CACNA1D: variants seen among roughly 807,000 people sequenced by gnomAD.
CACNA1D encodes voltage-dependent L-type calcium channel subunit alpha-1D.
CACNA1D carries 55 observed loss-of-function variants against 257.1 expected under a neutral mutation model. The observed-to-expected ratio is 0.21, with a 90% CI of 0.17 to 0.27. The LOEUF (loss-of-function observed/expected upper bound fraction) is 0.27. Among genes scored for constraint, CACNA1D ranks in the 10% least tolerant of loss-of-function variants. The pLI, the probability that CACNA1D is intolerant of heterozygous loss-of-function variation, is 1.00. For missense variants in CACNA1D, 1,876 were observed against 2,784.0 expected (o/e 0.67, Z 7.34); for synonymous variants, 980 against 1,014.9 (o/e 0.97, Z 0.65).
At position 53,724,145 on chromosome 3, in the gene CACNA1D, C is replaced by T. The variant is rs1311683041; in HGVS notation, c.2100+146C>T. Reference sequence around the variant, plus strand: ...AATCATAGCCTGGTAAATTTTGTGCCATTTAAGTTATTCGTTCTGCATCAT... The same window carrying T: ...AATCATAGCCTGGTAAATTTTGTGCTATTTAAGTTATTCGTTCTGCATCAT... On this transcript the variant is annotated intron_variant, in intron 14 of 47. Transcript: ENST00000350061. 4.1e-6 allele frequency: 3 copies of T among 730,078 alleles called. No homozygotes were observed. The African/African-American group carries it at 5.2e-5, about 13-fold the overall frequency. 45.2% of individuals were successfully genotyped at this position (730,078 alleles called of 1,614,324 possible).
chr3:53,533,190 T>C (rs1184953680), intron 3 of CACNA1D, among the ~76,000 whole-genome samples: 2 of 152,242 alleles, frequency 1.3e-5, no homozygotes, highest in Non-Finnish European at 1.5e-5. Flanking sequence ...TGCTTGATTA[T>C]AGTTGCTGGA....
chr3:53,751,349 C>G lies in CACNA1D; in HGVS notation c.3517-400C>G, dbSNP rs1418846034. On this transcript the variant is annotated intron_variant, in intron 27 of 47. Transcript: ENST00000350061. The surrounding 1 kb of genome is among the most constrained non-coding windows in gnomAD (Gnocchi z 4.3). Reference sequence around the variant, plus strand: ...CAGGCAGGGGAACTATAGGTGTGATCCACCTATAGATCCCCCGTATGTGTG... The same window carrying G: ...CAGGCAGGGGAACTATAGGTGTGATGCACCTATAGATCCCCCGTATGTGTG... Among the ~76,000 whole-genome samples, 1 of 152,216 alleles carries G rather than the reference C, an allele frequency of 6.6e-6. No individual in the cohort carries two copies.
chr3:53,536,026 G>T (rs2092105107), intron 3 of CACNA1D, among the ~76,000 whole-genome samples: 1 of 152,042 alleles, frequency 6.6e-6, no homozygotes, highest in African/African-American at 2.4e-5. Flanking sequence ...TGAAGGCCTG[G>T]GTGGCTCTTC....
chr3:53,781,546 CT>C lies in CACNA1D; in HGVS notation c.4691-16del, dbSNP rs1559676860. On this transcript the variant is annotated intron_variant, in intron 38 of 47. Coordinates refer to ENST00000350061, the MANE Select transcript of CACNA1D (RefSeq NM_001128840.3). Reference sequence around the variant, plus strand: ...AACAGAAATGAGGCTTGCTTTTCCCCTTTTGTTTTTTGAATCCAGGGAACCT... The same window carrying C: ...AACAGAAATGAGGCTTGCTTTTCCCCTTTGTTTTTTGAATCCAGGGAACCT... 6.5e-7 allele frequency: 1 copy of C among 1,548,620 alleles called. No individual in the cohort carries two copies. The highest frequency in any genetic ancestry group is 1.7e-5 in the Admixed American group (1 of 59,930).
In CACNA1D at chr3:53,723,943, C is replaced by G; in HGVS notation, c.2044C>G (p.Gln682Glu). 6.2e-7 allele frequency: 1 copy of G among 1,614,200 alleles called. No individual in the cohort carries two copies. Among genetic ancestry groups the G allele is most frequent in the Non-Finnish European group, 8.5e-7 (1 of 1,180,038 alleles). Residue 682 changes from glutamine (Q) to glutamate (E), a missense_variant, in exon 14 of 48, where the codon CAA becomes GAA. By Grantham distance (29) the Gln-to-Glu change is conservative. This residue lies in a region of CACNA1D where 257 missense variants were observed against 399.7 expected (regional missense o/e 0.64). Transcript: ENST00000350061. The surrounding 1 kb of genome is among the most constrained non-coding windows in gnomAD (Gnocchi z 5.6). ...CGGCAAGTTTAATTTTGATGAAACGCAAACCAAGCGGAGCACCTTTGACAA... is the reference window on the plus strand; with the variant it reads ...CGGCAAGTTTAATTTTGATGAAACGGAAACCAAGCGGAGCACCTTTGACAA... ...FGGKFNFDETQTKRSTFDNFP... is the reference protein window; with the variant it reads ...FGGKFNFDETETKRSTFDNFP...
At chr3:53,672,980 C>A in intron 7 of CACNA1D, 43 bp from the exon 8 acceptor site, 2 of 1,276,444 alleles carry the variant, frequency 1.6e-6, no homozygotes, top group South Asian at 1.3e-5. Context: ...TTATTAAATC[C>A]TCTTATTAAC....
intron 9 of CACNA1D, among the ~76,000 whole-genome samples, chr3:53,704,386 G>A (rs2094662528): frequency 6.6e-6 from 1 of 152,246 alleles, no homozygotes; most frequent in East Asian, 1.9e-4. Context: ...CTCAGGAAGG[G>A]GCCAGGACTT....
intron 3 of CACNA1D, among the ~76,000 whole-genome samples, chr3:53,584,549 C>T (rs567519719): frequency 3.9e-5 from 6 of 152,326 alleles, no homozygotes; most frequent in African/African-American, 1.4e-4. Flanking sequence ...CACCATCTAA[C>T]ATTTACCATC....
At position 53,557,071 on chromosome 3, in the gene CACNA1D, A is replaced by T. The variant is rs117992730; in HGVS notation, c.483+55351A>T. 4.4e-3 allele frequency among the ~76,000 whole-genome samples: 672 copies of T among 152,282 alleles called. 10 individuals carry two copies. The East Asian group carries it at 0.053, about 12-fold the overall frequency. ...AGCAAAAGTTTTAAATTTTGATGAC[A>T]TCCAGTTACTTGGTTTTTCCTTTTA... On this transcript the variant is annotated intron_variant, in intron 3 of 47. Coordinates refer to ENST00000350061, the MANE Select transcript of CACNA1D (RefSeq NM_001128840.3).
intron 21 of CACNA1D, among the ~76,000 whole-genome samples, chr3:53,742,381 G>T (rs920703185): frequency 6.6e-6 from 1 of 152,160 alleles, no homozygotes; most frequent in Non-Finnish European, 1.5e-5. Flanking sequence ...GGTGCTCCAG[G>T]TACATGTGGC....
chr3:53,538,946 G>A (rs374487704), intron 3 of CACNA1D, among the ~76,000 whole-genome samples: 1 of 152,158 alleles, frequency 6.6e-6, no homozygotes, highest in African/African-American at 2.4e-5. Context: ...TCTGAACACA[G>A]TCTTCTCCCA....
At chr3:53,542,231 G>A (rs763383685) in intron 3 of CACNA1D, among the ~76,000 whole-genome samples, 4 of 151,362 alleles carry the variant, frequency 2.6e-5, no homozygotes, top group Non-Finnish European at 5.9e-5. Flanking sequence ...AGTTGTCTCA[G>A]TGAAGTTTTC....
intron 14 of CACNA1D, among the ~76,000 whole-genome samples, chr3:53,725,307 C>T (rs1354349172): frequency 6.6e-6 from 1 of 152,108 alleles, no homozygotes; most frequent in Non-Finnish European, 1.5e-5. Context: ...TGAAACGCTG[C>T]GTCCATGCGG....
Position 53,812,322 on chromosome 3 carries a change from G to C in CACNA1D, c.*916G>C, listed in dbSNP as rs1367495412. Reference sequence around the variant, plus strand: ...TTAGTATTTTTACTCGGGCTATCCAGAAGTAGAAGAAATAGAGCCAATTCT... The same window carrying C: ...TTAGTATTTTTACTCGGGCTATCCACAAGTAGAAGAAATAGAGCCAATTCT... On this transcript the variant is annotated 3_prime_UTR_variant, in exon 48 of 48. Transcript: ENST00000350061. The C allele has an allele frequency of 6.6e-6, 1 of 152,178 alleles. No individual in the cohort carries two copies. The highest frequency in any genetic ancestry group is 1.5e-5 in the Non-Finnish European group (1 of 68,036). The allele number at this position is 152,178 out of a possible 1,614,324, so 9.4% of individuals were successfully genotyped here.
At chr3:53,726,847 A>G (rs2094940134) in intron 14 of CACNA1D, 32 bp from the exon 15 acceptor site, 1 of 1,613,980 alleles carries the variant, frequency 6.2e-7, no homozygotes, top group African/African-American at 1.3e-5. Context: ...TTGTGAATCC[A>G]CCTGCTGGCT....
intron 3 of CACNA1D, among the ~76,000 whole-genome samples, chr3:53,585,600 A>G (rs1403616543): frequency 6.6e-6 from 1 of 152,026 alleles, no homozygotes; most frequent in African/African-American, 2.4e-5. Context: ...TGATTCAAGC[A>G]GGAGAGAGAG....
chr3:53,810,778 A>AAC (rs904456390), intron 47 of CACNA1D, among the ~76,000 whole-genome samples: 3 of 148,388 alleles, frequency 2.0e-5, no homozygotes, highest in African/African-American at 7.6e-5. Context: ...AAAAAAAAAA[A>AAC]AAAAAAAACA....
At position 53,503,667 on chromosome 3, in the gene CACNA1D, A is replaced by C. The variant is rs947707747; in HGVS notation, c.483+1947A>C. On this transcript the variant is annotated intron_variant, in intron 3 of 47. Coordinates refer to ENST00000350061, the MANE Select transcript of CACNA1D (RefSeq NM_001128840.3). ...TCAGACCATTTGGATTTCTCAGCTAAGAAGTCAGGAAATAAAATACAGGAA... is the reference window on the plus strand; with the variant it reads ...TCAGACCATTTGGATTTCTCAGCTACGAAGTCAGGAAATAAAATACAGGAA... Among the ~76,000 whole-genome samples the C allele has an allele frequency of 6.8e-4, 103 of 152,344 alleles. 1 individual carries two copies. The highest frequency in any genetic ancestry group is 2.5e-3 in the African/African-American group (102 of 41,588).
At position 53,793,940 on chromosome 3, in the gene CACNA1D, C is replaced by T. The variant is rs116740587; in HGVS notation, c.4924-6309C>T. 0.023 allele frequency among the ~76,000 whole-genome samples: 3,467 copies of T among 152,302 alleles called. 126 individuals are homozygous for T. The highest frequency in any genetic ancestry group is 0.079 in the African/African-American group (3,300 of 41,528). On this transcript the variant is annotated intron_variant, in intron 40 of 47. Transcript: ENST00000350061. This position sits in a 1 kb window ranked among gnomAD's most constrained non-coding sequence, Gnocchi z 4.1. ...GCAAACTTGGCACCCCCAACACCAG[C>T]ATCCATAGGCTAAACTCTTCAGCTC... is the stretch of plus-strand genomic sequence containing the variant.
Sources: allele counts gnomAD v4.1 joint callset (sites outside exome capture counted in the v4.1 genomes callset), GRCh38; gene constraint gnomAD v4.1.1; regional missense constraint gnomAD v4.1.1; non-coding constraint Gnocchi (gnomAD v3.1); transcripts MANE v1.5; gene names NCBI Gene and HGNC (gene_info 2026-07-23, HGNC 2026-07-21).